The following RMC1 variants were observed in gnomAD, a reference collection of about 807,000 sequenced individuals.
RMC1 encodes regulator of MON1-CCZ1 complex.
A neutral mutation model predicts 95.5 loss-of-function variants in RMC1; 44 were observed. The ratio of observed to expected loss-of-function variants is 0.46; its 90% CI spans 0.36 to 0.59. The LOEUF is 0.59. RMC1 is among the 20% of genes least tolerant of loss of function. The pLI, the probability that RMC1 is intolerant of heterozygous loss-of-function variation, is 0.00. For synonymous variants in RMC1, 320 were observed against 303.6 expected, an observed-to-expected ratio of 1.05 and a Z score of -0.56; for missense variants, 705 against 819.6, an observed-to-expected ratio of 0.86 and a Z score of 1.71.
intron 5 of RMC1, among the ~76,000 whole-genome samples, chr18:23,514,787 TAAAAAG>T (rs990645284): frequency 3.9e-5 from 6 of 152,072 alleles, no homozygotes; most frequent in Admixed American, 6.6e-5. Flanking sequence ...AGAAAAAAGT[TAAAAAG>T]AAAGAAGACT....
rs190703290 is a variant in RMC1, at chr18:23,512,221, A to G, written c.408+2942A>G. On this transcript the variant is annotated intron_variant, in intron 5 of 19. Transcript: ENST00000269221. The stretch of plus-strand genomic sequence containing the variant: ...TTTTTAGAAGAGGTGGGGTTTCACC[A>G]TGTTGGCCAGGCTGGTCTTGAACCC... Among the ~76,000 whole-genome samples the G allele has an allele frequency of 1.4e-3, 207 of 152,008 alleles. 2 individuals are homozygous for G. The East Asian group carries it at 0.034, about 25-fold the overall frequency.
At chr18:23,520,393 G>A (rs2058112187) in intron 10 of RMC1, 80 bp downstream of exon 10, 7 of 1,151,562 alleles carry the variant, frequency 6.1e-6, no homozygotes, top group South Asian at 5.4e-5. Flanking sequence ...TGGGAGTCAC[G>A]TTAAAAGTGG....
At chr18:23,522,359 C>T (rs1159346118) in intron 10 of RMC1, 2 of 152,190 alleles carry the variant, frequency 1.3e-5, no homozygotes, top group Admixed American at 6.5e-5. Flanking sequence ...GGGAAAAAAA[C>T]TAAACATTTA....
rs937881447 is a variant in RMC1, at chr18:23,529,484, G to T, written c.1417-151G>T. On this transcript the variant is annotated intron_variant, in intron 15 of 19. Transcript: ENST00000269221. ...TGAGGCCTAAAGCATAATTGTTGACGGGTGGTTCTGGAGCGATGTGTGCAA... is the reference window on the plus strand; with the variant it reads ...TGAGGCCTAAAGCATAATTGTTGACTGGTGGTTCTGGAGCGATGTGTGCAA... 16 of 1,238,686 alleles carry T rather than the reference G, an allele frequency of 1.3e-5. No individual in the cohort carries two copies. The South Asian group carries it at 2.2e-4, about 17-fold the overall frequency. 76.7% of individuals were successfully genotyped at this position (1,238,686 alleles called of 1,614,324 possible). A position where few individuals can be genotyped will look rare whatever the true frequency, so the allele number is the denominator to read the frequency against.
chr18:23,503,503 C>G, upstream of RMC1: 1 of 571,192 alleles, frequency 1.8e-6, no homozygotes, highest in South Asian at 7.5e-5. Context: ...GGCGTCCGCG[C>G]CGGGCCCAGA....
chr18:23,528,200 C>CA lies in RMC1; in HGVS notation c.1296+300dup, dbSNP rs544309356. ...GTCTACTGTTATAGATGAGAAAAAT[C>CA]AGTCTCTGCTTTGCAATATTTTGTA... is the stretch of plus-strand genomic sequence containing the variant. On this transcript the variant is annotated intron_variant, in intron 14 of 19. Coordinates refer to ENST00000269221, the MANE Select transcript of RMC1 (RefSeq NM_013326.5). 3.0e-4 allele frequency: 70 copies of CA among 233,912 alleles called. 2 individuals are homozygous for CA. In the South Asian group the frequency reaches 7.7e-3, roughly 26 times the overall value. The allele number at this position is 233,912 out of a possible 1,614,324, so 14.5% of individuals were successfully genotyped here. A position where few individuals can be genotyped will look rare whatever the true frequency, so the allele number is the denominator to read the frequency against.
At chr18:23,526,577 T>C (rs2058304088) in intron 12 of RMC1, 60 bp from the exon 13 acceptor site, 2 of 1,586,138 alleles carry the variant, frequency 1.3e-6, no homozygotes, top group African/African-American at 1.4e-5. Flanking sequence ...GGGGAACCAC[T>C]TTTGGGCTTT....
At chr18:23,528,795 C>A in intron 14 of RMC1, 1 of 171,388 alleles carries the variant, frequency 5.8e-6, no homozygotes, top group Non-Finnish European at 1.3e-5. Flanking sequence ...CACTGACCAG[C>A]CACATGAGCA....
rs183907952 is a variant in RMC1, at chr18:23,504,086, G to A, written c.103-285G>A. On this transcript the variant is annotated intron_variant, in intron 1 of 19. Coordinates refer to ENST00000269221, the MANE Select transcript of RMC1 (RefSeq NM_013326.5). ...TTTTCCTTGAAATTTTGTAAAGGGG[G>A]AAAAGACTGTACTTCAGGCGTATCA... 4.7e-3 allele frequency among the ~76,000 whole-genome samples: 713 copies of A among 152,344 alleles called. 4 individuals are homozygous for A. Among genetic ancestry groups the A allele is most frequent in the Non-Finnish European group, 7.2e-3 (489 of 68,020 alleles).
Position 23,531,805 on chromosome 18 carries a change from C to G in RMC1, c.*101C>G, listed in dbSNP as rs2058519716. On this transcript the variant is annotated 3_prime_UTR_variant, in exon 20 of 20. Transcript: ENST00000269221. Reference sequence around the variant, plus strand: ...AAATGTTATAAAGTGTATCTACAACCTCAACTGTCACTAAAAATATGGTAT... The same window carrying G: ...AAATGTTATAAAGTGTATCTACAACGTCAACTGTCACTAAAAATATGGTAT... 6.6e-7 allele frequency: 1 copy of G among 1,518,654 alleles called. No individual in the cohort carries two copies. The highest frequency in any genetic ancestry group is 1.4e-5 in the African/African-American group (1 of 70,924). The allele number at this position is 1,518,654 out of a possible 1,614,324, so 94.1% of individuals were successfully genotyped here.
intron 9 of RMC1, 55 bp from the exon 10 acceptor site, chr18:23,520,147 C>T: frequency 7.3e-7 from 1 of 1,368,746 alleles, no homozygotes; most frequent in Non-Finnish European, 1.0e-6. Flanking sequence ...GGAATGAAAG[C>T]AACTGGGCAA....
chr18:23,519,411 G>C (rs2058089038), intron 9 of RMC1, among the ~76,000 whole-genome samples: 1 of 152,120 alleles, frequency 6.6e-6, no homozygotes, highest in Non-Finnish European at 1.5e-5. Flanking sequence ...CCAGCTACTT[G>C]TGGGGCTAAG....
chr18:23,516,007 G>T lies in RMC1; in HGVS notation c.549+11G>T. ...CCTTTTCACTTTAGGGTAAGAGGAA[G>T]CCTCCCCTGAAAAAAACACCTTTCC... On this transcript the variant is annotated intron_variant, in intron 6 of 19. Transcript: ENST00000269221. 1 of 1,613,826 alleles carries T rather than the reference G, an allele frequency of 6.2e-7. No individual in the cohort carries two copies. The highest frequency in any genetic ancestry group is 8.5e-7 in the Non-Finnish European group (1 of 1,179,978).
At position 23,515,897 on chromosome 18, in the gene RMC1, C is replaced by T; in HGVS notation, c.450C>T (p.His150=). The change falls in exon 6 of 20, where the codon CAC becomes CAT. Residue 150 remains histidine (H), a synonymous_variant. Coordinates refer to ENST00000269221, the MANE Select transcript of RMC1 (RefSeq NM_013326.5). ...GGAGTCTGAAACTCTTGAAGAGCCA[C>T]AATCTCAATGTGAATTGGTACATGT... is the stretch of plus-strand genomic sequence containing the variant. ...EKRSLKLLKS[H]NLNVNWYMYC... is the part of the protein sequence containing the mutation. The T allele has an allele frequency of 6.2e-7, 1 of 1,614,188 alleles. No individual in the cohort carries two copies. Among genetic ancestry groups the T allele is most frequent in the Non-Finnish European group, 8.5e-7 (1 of 1,180,036 alleles).
chr18:23,530,958 T>C (rs971698596), intron 19 of RMC1, among the ~76,000 whole-genome samples: 5 of 152,090 alleles, frequency 3.3e-5, no homozygotes, highest in Non-Finnish European at 4.4e-5. Context: ...CTGGGGCTTA[T>C]TAAGGTTTCA....
intron 9 of RMC1, 89 bp from the exon 10 acceptor site, chr18:23,520,113 C>T (rs911881870): frequency 3.0e-6 from 3 of 985,246 alleles, no homozygotes; most frequent in Non-Finnish European, 4.8e-6. Flanking sequence ...GGCTTTTAAA[C>T]TGATTTAAAC....
At chr18:23,525,132 G>C (rs1286016358) in intron 12 of RMC1, among the ~76,000 whole-genome samples, 1 of 150,778 alleles carries the variant, frequency 6.6e-6, no homozygotes, top group Non-Finnish European at 1.5e-5. Context: ...TTTTAGTAGA[G>C]ACGAGGTTTT....
Position 23,524,490 on chromosome 18 carries a change from A to T in RMC1, c.1060+8A>T. 6.2e-7 allele frequency: 1 copy of T among 1,613,802 alleles called. No individual in the cohort carries two copies. The highest frequency in any genetic ancestry group is 2.2e-5 in the East Asian group (1 of 44,892). On this transcript the variant is annotated splice_region_variant and intron_variant, in intron 12 of 19. Coordinates refer to ENST00000269221, the MANE Select transcript of RMC1 (RefSeq NM_013326.5). ...TTATCAGCGCAAGCCAAGGTAGGTCAGCGGGGACAGTTGTCGTGTTACAAC... is the reference window on the plus strand; with the variant it reads ...TTATCAGCGCAAGCCAAGGTAGGTCTGCGGGGACAGTTGTCGTGTTACAAC...
At chr18:23,529,092 G>A (rs747623608) in intron 14 of RMC1, 87 bp from the exon 15 acceptor site, 15 of 1,525,686 alleles carry the variant, frequency 9.8e-6, no homozygotes, top group Non-Finnish European at 1.2e-5. Flanking sequence ...GGTCCACATC[G>A]AAGAATTCAG....
Sources: allele counts gnomAD v4.1 joint callset (sites outside exome capture counted in the v4.1 genomes callset), GRCh38; gene constraint gnomAD v4.1.1; transcripts MANE v1.5; gene names NCBI Gene and HGNC (gene_info 2026-07-23, HGNC 2026-07-21).